Variants in PYGM observed in about 807,000 individuals in gnomAD.
The protein encoded by PYGM is glycogen phosphorylase, muscle form.
In PYGM, 81 loss-of-function variants were observed where a neutral mutation model predicts 99.3. The observed-to-expected ratio is 0.82, with a 90% CI of 0.68 to 0.98. PYGM has a LOEUF of 0.98. Among genes scored for constraint, PYGM ranks in the 50% least tolerant of loss-of-function variants. The pLI is 0.00. For missense variants in PYGM, 1,030 were observed against 1,158.1 expected, an observed-to-expected ratio of 0.89 and a Z score of 1.61; for synonymous variants, 436 against 451.5, an observed-to-expected ratio of 0.97 and a Z score of 0.44.
chr11:64,753,093 G>T lies in PYGM; in HGVS notation c.1498C>A (p.Leu500Met), dbSNP rs2058367583. Residue 500 changes from leucine to methionine, a missense_variant, in exon 12 of 20, where the codon CTG becomes ATG. Transcript: ENST00000164139. ...RRWLVLCNPGLAEVIAERIGE... is the reference protein window; with the variant it reads ...RRWLVLCNPGMAEVIAERIGE... ...CTCACCTCAGCAATGACCTCTGCCA[G>T]CCCGGGGTTACACAGAACCAGCCAG... 4.3e-6 allele frequency: 7 copies of T among 1,613,430 alleles called. No individual in the cohort carries two copies. The highest frequency in any genetic ancestry group is 5.1e-6 in the Non-Finnish European group (6 of 1,179,358).
Position 64,752,066 on chromosome 11 carries a change from G to A in PYGM, c.1626C>T (p.Asn542=), listed in dbSNP as rs1258378979. 1.2e-6 allele frequency: 2 copies of A among 1,613,772 alleles called. No homozygotes were observed. Among genetic ancestry groups the A allele is most frequent in the Admixed American group, 3.3e-5 (2 of 59,992 alleles). ...CTAGGTAGGCAGCAAACTTCAACTT[G>A]TTTTCCTGGAGGCAGAGACGGGGAA... ...IRDVAKVKQE[N]KLKFAAYLER... is the part of the protein sequence containing the mutation. The change falls in exon 14 of 20, where the codon AAC becomes AAT. Residue 542 remains asparagine, a synonymous_variant. Transcript: ENST00000164139.
intron 4 of PYGM, 109 bp from the exon 5 acceptor site, chr11:64,758,019 A>G (rs1162200883): frequency 5.9e-6 from 9 of 1,522,532 alleles, no homozygotes; most frequent in African/African-American, 1.4e-5. Flanking sequence ...TACACCAAGT[A>G]TAAGTCAGGA....
At chr11:64,757,175 G>T (rs2058399279) in intron 5 of PYGM, among the ~76,000 whole-genome samples, 1 of 152,008 alleles carries the variant, frequency 6.6e-6, no homozygotes, top group African/African-American at 2.4e-5. Flanking sequence ...TGCTCACCTT[G>T]GCCTCCCAAA....
At chr11:64,751,090 C>T (rs1391162996) in intron 16 of PYGM, 8 of 528,814 alleles carry the variant, frequency 1.5e-5, no homozygotes, top group African/African-American at 1.3e-4. Flanking sequence ...CGGGGTTTCA[C>T]CATGTTGGCC....
chr11:64,749,275 C>T (rs866006873), intron 17 of PYGM, among the ~76,000 whole-genome samples: 35 of 151,570 alleles, frequency 2.3e-4, no homozygotes, highest in Admixed American at 1.8e-3. Flanking sequence ...TGTACCCGGG[C>T]GGTGGAGGTT....
At position 64,753,879 on chromosome 11, in the gene PYGM, G is replaced by A. The variant is rs369313102; in HGVS notation, c.1239C>T (p.Asn413=). 25 of 1,571,164 alleles carry A rather than the reference G, an allele frequency of 1.6e-5. No individual in the cohort carries two copies. The African/African-American group carries it at 2.0e-4, about 13-fold the overall frequency. The part of the protein sequence containing the change: ...IIYEINQRFL[N]RVAAAFPGDV... ...CCATCCCCCAAGCCTCCGGACTCAC[G>A]TTGAGGAAGCGCTGGTTGATCTCGT... The change falls in exon 10 of 20, where the codon AAC becomes AAT. Residue 413 remains asparagine, a splice_region_variant and synonymous_variant. Coordinates refer to ENST00000164139, the MANE Select transcript of PYGM (RefSeq NM_005609.4).
intron 17 of PYGM, 108 bp downstream of exon 17, chr11:64,750,268 A>T: frequency 2.4e-6 from 3 of 1,229,332 alleles, no homozygotes; most frequent in Non-Finnish European, 3.6e-6. Context: ...CATGACCAAG[A>T]CCTTGCTGGG....
chr11:64,752,511 G>A lies in PYGM; in HGVS notation c.1519-7C>T, dbSNP rs775468145. ...TGAAGTCCTCCCCGATGCGCTATGG[G>A]AAGACGGCTCTCAGCCAAGCCCATC... On this transcript the variant is annotated splice_polypyrimidine_tract_variant and splice_region_variant and intron_variant, in intron 12 of 19. Transcript: ENST00000164139. 10 of 1,612,334 alleles carry A rather than the reference G, an allele frequency of 6.2e-6. No homozygotes were observed. Among genetic ancestry groups the A allele is most frequent in the Admixed American group, 1.7e-5 (1 of 59,926 alleles).
chr11:64,753,171 C>T lies in PYGM; in HGVS notation c.1420G>A (p.Glu474Lys). The T allele has an allele frequency of 2.5e-6, 4 of 1,612,142 alleles. No individual in the cohort carries two copies. The highest frequency in any genetic ancestry group is 3.4e-6 in the Non-Finnish European group (4 of 1,178,258). Residue 474 changes from glutamate (E) to lysine (K), a missense_variant, in exon 12 of 20, where the codon GAG becomes AAG. By Grantham distance (56) the Glu-to-Lys change is moderately conservative. Transcript: ENST00000164139. ...TTCTGGAACTTATGAGGCTCCAGCT[C>T]ATAGAAGTCTTTGAAGCTGCAGGAT... is the stretch of plus-strand genomic sequence containing the variant. ...LKKTIFKDFY[E>K]LEPHKFQNKT...
chr11:64,753,520 T>C lies in PYGM; in HGVS notation c.1402A>G (p.Ile468Val), dbSNP rs757470750. Reference sequence around the variant, plus strand: ...CGGGATCTGGAAAGCGGGGCTCACATGGTCTTCTTGAGGATCTCGGAGTGG... The same window carrying C: ...CGGGATCTGGAAAGCGGGGCTCACACGGTCTTCTTGAGGATCTCGGAGTGG... Reference protein sequence around the residue: ...RIHSEILKKTIFKDFYELEPH... With the variant: ...RIHSEILKKTVFKDFYELEPH... Residue 468 changes from isoleucine (I) to valine (V), a missense_variant and splice_region_variant, in exon 11 of 20, where the codon ATC (isoleucine) becomes GTC (valine). Physicochemically the swap from Ile to Val is conservative, Grantham distance 29. Coordinates refer to ENST00000164139, the MANE Select transcript of PYGM (RefSeq NM_005609.4). 1 of 1,588,458 alleles carries C rather than the reference T, an allele frequency of 6.3e-7. No individual in the cohort carries two copies. Among genetic ancestry groups the C allele is most frequent in the South Asian group, 1.1e-5 (1 of 88,826 alleles).
At position 64,747,313 on chromosome 11, in the gene PYGM, C is replaced by G. The variant is rs2135824250; in HGVS notation, c.2223G>C (p.Gln741His). The G allele has an allele frequency of 6.2e-7, 1 of 1,614,216 alleles. No individual in the cohort carries two copies. Among genetic ancestry groups the G allele is most frequent in the Non-Finnish European group, 8.5e-7 (1 of 1,180,028 alleles). Residue 741 changes from glutamine to histidine, a missense_variant, in exon 18 of 20, where the codon CAG (glutamine) becomes CAC (histidine). Physicochemically the swap from Gln to His is conservative, Grantham distance 24 (BLOSUM62 0). Transcript: ENST00000164139. ...EYYDRIPELR[Q>H]VIEQLSSGFF... ...AGCCACTGCTCAGCTGCTCAATGAC[C>G]TGCCGAAGCTCAGGAATGCGATCGT...
chr11:64,750,232 C>G, intron 17 of PYGM, 144 bp downstream of exon 17: 1 of 880,260 alleles, frequency 1.1e-6, no homozygotes, highest in Non-Finnish European at 1.9e-6. Context: ...TAAGCGCCCT[C>G]TAAAGTTTCC....
chr11:64,752,584 G>T, intron 12 of PYGM, 80 bp from the exon 13 acceptor site: 1 of 1,409,746 alleles, frequency 7.1e-7, no homozygotes, highest in Non-Finnish European at 9.8e-7. Flanking sequence ...TTCCAGGTCA[G>T]CCAAGCCCCC....
rs941486905 is a variant in PYGM at position 64,759,937 on chromosome 11, G to A, written c.-39C>T. ...CGGGCCGGACTGGACTGATGGTAGA[G>A]GGGACGGCGGCCTCAGCACTGCCTC... On this transcript the variant is annotated 5_prime_UTR_variant, in exon 1 of 20. Coordinates refer to ENST00000164139, the MANE Select transcript of PYGM (RefSeq NM_005609.4). The A allele has an allele frequency of 5.0e-6, 8 of 1,609,214 alleles. No homozygotes were observed. In the East Asian group the frequency reaches 6.7e-5, roughly 13 times the overall value.
At chr11:64,758,117 G>A (rs925337041) in intron 4 of PYGM, 129 bp downstream of exon 4, 1 of 1,363,842 alleles carries the variant, frequency 7.3e-7, no homozygotes, top group Non-Finnish European at 1.0e-6. Flanking sequence ...TGGGTCGGGG[G>A]GTGGGGAGCA....
intron 17 of PYGM, 171 bp from the exon 18 acceptor site, chr11:64,747,529 C>T: frequency 1.3e-6 from 1 of 756,614 alleles, no homozygotes; most frequent in Non-Finnish European, 2.2e-6. Flanking sequence ...CTTCTCTGCT[C>T]AGCTTTTCAT....
Position 64,755,541 on chromosome 11 carries a change from G to A in PYGM, c.678C>T (p.Pro226=), listed in dbSNP as rs754536168. 1.2e-6 allele frequency: 2 copies of A among 1,613,936 alleles called. No homozygotes were observed. The highest frequency in any genetic ancestry group is 2.7e-5 in the African/African-American group (2 of 74,924). The part of the protein sequence containing the change: ...WVDTQVVLAM[P]YDTPVPGYRN... ...GATAGCCAGGCACGGGCGTATCGTA[G>A]GGCATGGCCAGTACCACCTGCGGGG... Residue 226 remains proline (P), a synonymous_variant, in exon 6 of 20, where the codon CCC becomes CCT. Transcript: ENST00000164139. This position sits in a 1 kb window ranked among gnomAD's most constrained non-coding sequence, Gnocchi z 4.1.
chr11:64,747,210 G>T lies in PYGM; in HGVS notation c.2312+14C>A. ...GCGGCCCCACCTGAGTGATTCCCGG[G>T]CCAACCAGCTCACCGGTCATGGTGC... On this transcript the variant is annotated intron_variant, in intron 18 of 19. Transcript: ENST00000164139. 2 of 1,613,804 alleles carry T rather than the reference G, an allele frequency of 1.2e-6. No homozygotes were observed.
chr11:64,751,697 T>C (rs370796413), intron 14 of PYGM, 42 bp from the exon 15 acceptor site: 1 of 1,608,572 alleles, frequency 6.2e-7, no homozygotes, highest in Non-Finnish European at 8.5e-7. Context: ...TACCTTTCCC[T>C]CTGGGTAGTA....
Sources: gnomAD v4.1 joint callset for allele counts (sites outside exome capture counted in the v4.1 genomes callset) on GRCh38, gnomAD v4.1.1 for gene constraint, Gnocchi (gnomAD v3.1) non-coding constraint, MANE v1.5 for transcripts, NCBI Gene and HGNC (gene_info 2026-07-23, HGNC 2026-07-21) for gene names.